Variants in FLRT1 observed in about 807,000 individuals in gnomAD.
The protein encoded by FLRT1 is leucine-rich repeat transmembrane protein FLRT1.
Under a neutral mutation model 30.9 loss-of-function variants are expected in FLRT1, and 14 were observed. The ratio of observed to expected loss-of-function variants is 0.45; its 90% CI spans 0.30 to 0.71. The LOEUF (loss-of-function observed/expected upper bound fraction) is 0.71. Among genes scored for constraint, FLRT1 ranks in the 30% least tolerant of loss-of-function variants. The pLI, the probability that FLRT1 is intolerant of heterozygous loss-of-function variation, is 0.08. For synonymous variants in FLRT1, 368 were observed against 430.4 expected (o/e 0.85, Z 1.80); for missense variants, 737 against 949.2 (o/e 0.78, Z 2.94).
At chr11:64,100,095 C>G (rs753590013) in intron 1 of FLRT1, among the ~76,000 whole-genome samples, 1 of 152,154 alleles carries the variant, frequency 6.6e-6, no homozygotes, top group Non-Finnish European at 1.5e-5. Flanking sequence ...AAGTCCTGCT[C>G]CCTCTTCTCA....
At position 64,035,940 on chromosome 11, in the gene FLRT1, C is replaced by T. The variant is rs1246904641; in HGVS notation, c.-1257C>T. The T allele has an allele frequency of 1.4e-5, 2 of 147,694 alleles. No homozygotes were observed. The highest frequency in any genetic ancestry group is 4.0e-4 in the East Asian group (2 of 5,030). 9.1% of individuals were successfully genotyped at this position (147,694 alleles called of 1,614,324 possible). On this transcript the variant is annotated 5_prime_UTR_variant, in exon 1 of 3. Transcript: ENST00000682287. The stretch of plus-strand genomic sequence containing the variant: ...GCTGGACGCACCCCCCGCACTCCTC[C>T]CGCGGCTCCGCCGGGCGCCCGAGCC...
intron 1 of FLRT1, among the ~76,000 whole-genome samples, chr11:64,052,595 A>C (rs1018451804): frequency 6.6e-5 from 10 of 152,228 alleles, no homozygotes; most frequent in Non-Finnish European, 1.2e-4. Context: ...AGACATGGCT[A>C]ATCAATCCCA....
At chr11:64,037,657 G>A (rs1943407902) in intron 1 of FLRT1, among the ~76,000 whole-genome samples, 1 of 152,150 alleles carries the variant, frequency 6.6e-6, no homozygotes. Context: ...GTGTGTGTGT[G>A]TGTGCGCACC....
chr11:64,113,873 T>TGGATGGAA (rs148072020), intron 2 of FLRT1, among the ~76,000 whole-genome samples: 67,851 of 134,968 alleles, frequency 0.5, 20,292 homozygotes, highest in Non-Finnish European at 0.66. Context: ...GATTGATACA[T>TGGATGGAA]GGATGGATGG....
chr11:64,094,579 C>T (rs1382824089), intron 1 of FLRT1, among the ~76,000 whole-genome samples: 1 of 152,202 alleles, frequency 6.6e-6, no homozygotes, highest in Non-Finnish European at 1.5e-5. Context: ...CCATCCCTGC[C>T]CCTGCCTAAC....
chr11:64,039,568 C>A (rs976495946), intron 1 of FLRT1, among the ~76,000 whole-genome samples: 1 of 152,092 alleles, frequency 6.6e-6, no homozygotes, highest in African/African-American at 2.4e-5. Context: ...ACTGGATGGC[C>A]GGGAGGAGAC....
intron 1 of FLRT1, among the ~76,000 whole-genome samples, chr11:64,079,737 C>T (rs934779691): frequency 2.6e-5 from 4 of 151,954 alleles, no homozygotes; most frequent in Admixed American, 2.0e-4. Context: ...GTGGGGCGCA[C>T]GCTCAGAGAA....
At chr11:64,109,577 A>G (rs1293137521) in intron 2 of FLRT1, among the ~76,000 whole-genome samples, 1 of 152,164 alleles carries the variant, frequency 6.6e-6, no homozygotes, top group East Asian at 1.9e-4. Context: ...GAGGTAGGGA[A>G]CTATTTCTGG....
At chr11:64,068,088 G>A (rs915980599) in intron 1 of FLRT1, among the ~76,000 whole-genome samples, 8 of 152,246 alleles carry the variant, frequency 5.3e-5, no homozygotes, top group African/African-American at 1.9e-4. Flanking sequence ...CCGGAGCCGG[G>A]CGAAGTTGAA....
chr11:64,070,300 G>A (rs564531427), intron 1 of FLRT1, among the ~76,000 whole-genome samples: 36 of 152,182 alleles, frequency 2.4e-4, no homozygotes, highest in African/African-American at 4.8e-4. Flanking sequence ...GGAAGGAATC[G>A]GAGCCTCCTC....
intron 1 of FLRT1, among the ~76,000 whole-genome samples, chr11:64,068,859 C>T (rs1016831727): frequency 2.0e-5 from 3 of 152,350 alleles, no homozygotes; most frequent in East Asian, 1.9e-4. Flanking sequence ...GAGTGAGCCT[C>T]GGCCTTCCCC....
chr11:64,047,166 C>T (rs1244939436), intron 1 of FLRT1, among the ~76,000 whole-genome samples: 1 of 152,186 alleles, frequency 6.6e-6, no homozygotes, highest in Non-Finnish European at 1.5e-5. Flanking sequence ...CACTGCCTGC[C>T]TCCACCCACC....
chr11:64,042,528 C>T (rs1565206218), intron 1 of FLRT1, among the ~76,000 whole-genome samples: 2 of 152,174 alleles, frequency 1.3e-5, no homozygotes, highest in Admixed American at 6.5e-5. Context: ...CCCAGGGAGC[C>T]AGCAGTCAGG....
At chr11:64,055,982 G>A (rs943113930) in intron 1 of FLRT1, among the ~76,000 whole-genome samples, 1 of 152,194 alleles carries the variant, frequency 6.6e-6, no homozygotes, top group African/African-American at 2.4e-5. Context: ...GGAGGGACGC[G>A]CTGTCGGTCC....
rs371269004 is a variant in FLRT1 at position 64,116,220 on chromosome 11, T to G, written c.-48T>G. 2 of 1,559,604 alleles carry G rather than the reference T, an allele frequency of 1.3e-6. No individual in the cohort carries two copies. Among genetic ancestry groups the G allele is most frequent in the Non-Finnish European group, 1.7e-6 (2 of 1,158,534 alleles). ...GCCCCTGTCCTGTGCTCCTTGCAGG[T>G]ATTCAGGCTCCAGGCCAGGTGGGGC... is the stretch of plus-strand genomic sequence containing the variant. On this transcript the variant is annotated splice_region_variant and 5_prime_UTR_variant, in exon 3 of 3. Coordinates refer to ENST00000682287, the MANE Select transcript of FLRT1 (RefSeq NM_013280.5).
chr11:64,078,785 AG>A (rs1326821877), intron 1 of FLRT1, among the ~76,000 whole-genome samples: 2 of 117,824 alleles, frequency 1.7e-5, no homozygotes, highest in African/African-American at 6.7e-5. Flanking sequence ...GGGTGACTGC[AG>A]GGGGGGAGGC....
At chr11:64,052,864 C>A (rs977355559) in intron 1 of FLRT1, among the ~76,000 whole-genome samples, 2 of 152,168 alleles carry the variant, frequency 1.3e-5, no homozygotes, top group African/African-American at 4.8e-5. Context: ...TTTAATTATG[C>A]CCCTGCCAGA....
chr11:64,037,114 T>C (rs931787507), intron 1 of FLRT1, among the ~76,000 whole-genome samples: 1 of 151,934 alleles, frequency 6.6e-6, no homozygotes, highest in South Asian at 2.1e-4. Flanking sequence ...AGAGCTCTGA[T>C]GTGAATAAAT....
chr11:64,117,065 C>A lies in FLRT1; in HGVS notation c.798C>A (p.Asn266Lys), dbSNP rs1465971521. Reference protein sequence around the residue: ...VRNSLAAPPLNLPSAHLQKLY... With the variant: ...VRNSLAAPPLKLPSAHLQKLY... ...ATTCGCTGGCCGCGCCACCCCTCAA[C>A]CTGCCCAGCGCCCACCTGCAGAAGC... The change falls in exon 3 of 3, where the codon AAC becomes AAA. Residue 266 changes from asparagine (N) to lysine (K), a missense_variant. Transcript: ENST00000682287. The A allele has an allele frequency of 6.2e-7, 1 of 1,603,176 alleles. No individual in the cohort carries two copies. Among genetic ancestry groups the A allele is most frequent in the South Asian group, 1.1e-5 (1 of 89,752 alleles).
Sources: gnomAD v4.1 joint callset for allele counts (sites outside exome capture counted in the v4.1 genomes callset) on GRCh38, gnomAD v4.1.1 for gene constraint, MANE v1.5 for transcripts, NCBI Gene and HGNC (gene_info 2026-07-23, HGNC 2026-07-21) for gene names.